The following SKAP2 variants were observed in gnomAD, a reference collection of about 807,000 sequenced individuals.
The protein encoded by SKAP2 is src kinase-associated phosphoprotein 2.
SKAP2 carries 28 observed loss-of-function variants against 54.9 expected under a neutral mutation model. That is an observed-to-expected ratio of 0.51 (90% CI 0.38 to 0.70). The LOEUF is 0.70. Among genes scored for constraint, SKAP2 ranks in the 30% least tolerant of loss-of-function variants. SKAP2 has a pLI of 0.00. For synonymous variants in SKAP2, 137 were observed against 134.3 expected (o/e 1.02, Z -0.14); for missense variants, 356 against 424.1 (o/e 0.84, Z 1.41).
intron 9 of SKAP2, among the ~76,000 whole-genome samples, chr7:26,691,505 G>A (rs973636006): frequency 2.6e-5 from 4 of 152,186 alleles, no homozygotes; most frequent in Non-Finnish European, 5.9e-5. Context: ...CAATCAATCA[G>A]TCAATCAATC....
At chr7:26,687,527 G>GT (rs150492646) in intron 10 of SKAP2, among the ~76,000 whole-genome samples, 2,408 of 151,932 alleles carry the variant, frequency 0.016, 61 homozygotes, top group African/African-American at 0.055. Flanking sequence ...AGAAAAAATC[G>GT]TAAGTAGGGG....
chr7:26,778,307 G>A (rs932965127), intron 4 of SKAP2, among the ~76,000 whole-genome samples: 3 of 152,062 alleles, frequency 2.0e-5, no homozygotes. Context: ...CTCAGCTGCA[G>A]AAGGGAACAA....
the SKAP2 span, among the ~76,000 whole-genome samples, chr7:26,656,424 T>C: frequency 6.6e-6 from 1 of 152,244 alleles, no homozygotes; most frequent in African/African-American, 2.4e-5. Context: ...AGTCGTTCAC[T>C]GTGTCATTCC....
At chr7:26,826,550 T>C (rs929092391) in intron 4 of SKAP2, among the ~76,000 whole-genome samples, 2 of 152,210 alleles carry the variant, frequency 1.3e-5, no homozygotes. Context: ...GTTTCACAAA[T>C]GTGAAAAACT....
intron 6 of SKAP2, among the ~76,000 whole-genome samples, chr7:26,735,087 C>T (rs957780480): frequency 6.6e-6 from 1 of 152,156 alleles, no homozygotes; most frequent in Non-Finnish European, 1.5e-5. Context: ...ACCTGCCCAG[C>T]TCCCTCCTCC....
At chr7:26,702,103 C>A (rs569453581) in intron 9 of SKAP2, among the ~76,000 whole-genome samples, 2 of 152,102 alleles carry the variant, frequency 1.3e-5, no homozygotes, top group African/African-American at 4.8e-5. Context: ...TTCCTACATC[C>A]TTCTGTCTCA....
chr7:26,747,918 A>G (rs1044267141), intron 4 of SKAP2, among the ~76,000 whole-genome samples: 1 of 152,098 alleles, frequency 6.6e-6, no homozygotes, highest in Non-Finnish European at 1.5e-5. Context: ...TTCTAATGGC[A>G]AGATTCCAGA....
chr7:26,823,401 C>T (rs980218380), intron 4 of SKAP2, among the ~76,000 whole-genome samples: 5 of 125,832 alleles, frequency 4.0e-5, no homozygotes, highest in African/African-American at 8.9e-5. Context: ...ACTCCAGCCT[C>T]GGCAACAGAG....
chr7:26,717,771 G>A (rs1787491528), intron 9 of SKAP2, among the ~76,000 whole-genome samples: 1 of 151,336 alleles, frequency 6.6e-6, no homozygotes, highest in Non-Finnish European at 1.5e-5. Context: ...GGTAGAGGTT[G>A]CAGGGAGTTG....
At chr7:26,665,555 T>C (rs1786091277), downstream of SKAP2, among the ~76,000 whole-genome samples, 1 of 152,170 alleles carries the variant, frequency 6.6e-6, no homozygotes, top group South Asian at 2.1e-4. Flanking sequence ...CACCATATAA[T>C]GTGTACCATG....
chr7:26,738,343 C>T (rs979516013), intron 6 of SKAP2, among the ~76,000 whole-genome samples: 12 of 152,198 alleles, frequency 7.9e-5, no homozygotes, highest in East Asian at 3.9e-4. Context: ...TCTATGTACA[C>T]GTTTGCTGTT....
chr7:26,807,875 C>T (rs1344335829), intron 4 of SKAP2, among the ~76,000 whole-genome samples: 1 of 151,950 alleles, frequency 6.6e-6, no homozygotes. Context: ...ATTGTTAGCA[C>T]TTTTTTTAGC....
intron 6 of SKAP2, among the ~76,000 whole-genome samples, chr7:26,733,557 A>G (rs1042471328): frequency 7.9e-5 from 12 of 152,132 alleles, no homozygotes; most frequent in African/African-American, 2.9e-4. Flanking sequence ...TGCTTTTTCA[A>G]CATCAAAATA....
chr7:26,662,998 G>C (rs1269306209), downstream of SKAP2, among the ~76,000 whole-genome samples: 2 of 151,964 alleles, frequency 1.3e-5, no homozygotes, highest in African/African-American at 2.4e-5. Context: ...GCTTGACCTG[G>C]GAATTAGGAA....
intron 4 of SKAP2, among the ~76,000 whole-genome samples, chr7:26,839,283 C>T (rs1784772861): frequency 6.6e-6 from 1 of 152,086 alleles, no homozygotes; most frequent in Non-Finnish European, 1.5e-5. Flanking sequence ...ATGTCCTCTA[C>T]TTTCTGTCAT....
At position 26,854,212 on chromosome 7, in the gene SKAP2, G is replaced by A. The variant is rs765736717; in HGVS notation, c.174-50C>T. 11 of 1,190,338 alleles carry A rather than the reference G, an allele frequency of 9.2e-6. No individual in the cohort carries two copies. The South Asian group carries it at 1.6e-4, about 18-fold the overall frequency. The allele number at this position is 1,190,338 out of a possible 1,614,324, so 73.7% of individuals were successfully genotyped here. A position where few individuals can be genotyped will look rare whatever the true frequency, so the allele number is the denominator to read the frequency against. The stretch of plus-strand genomic sequence containing the variant: ...AAATGAGGTTGAAAAATCAAAACAA[G>A]GTCTAATCAGTAACAATAATTAAAA... On this transcript the variant is annotated intron_variant, in intron 2 of 12. Transcript: ENST00000345317.
chr7:26,749,786 G>A (rs10265721), intron 4 of SKAP2, among the ~76,000 whole-genome samples: 4,035 of 137,000 alleles, frequency 0.029, 186 homozygotes, highest in African/African-American at 0.11. Context: ...AATAATAATA[G>A]GTCCTACTTC....
intron 3 of SKAP2, among the ~76,000 whole-genome samples, chr7:26,846,750 G>A (rs1784929794): frequency 6.6e-6 from 1 of 152,216 alleles, no homozygotes; most frequent in Non-Finnish European, 1.5e-5. Flanking sequence ...GGAGGCCAAG[G>A]CAGGTGGATC....
chr7:26,690,188 G>A (rs919283843), intron 10 of SKAP2, 97 bp downstream of exon 10: 1 of 877,476 alleles, frequency 1.1e-6, no homozygotes, highest in Admixed American at 2.1e-5. Context: ...CAACTTTGGG[G>A]AGCTGTGTAA....
Sources: gnomAD v4.1 joint callset for allele counts (sites outside exome capture counted in the v4.1 genomes callset) on GRCh38, gnomAD v4.1.1 for gene constraint, MANE v1.5 for transcripts, NCBI Gene and HGNC (gene_info 2026-07-23, HGNC 2026-07-21) for gene names.